The following SMARCA2 variants were observed in gnomAD, a reference collection of about 807,000 sequenced individuals.
SMARCA2 encodes the protein SWI/SNF-related matrix-associated actin-dependent regulator of chromatin subfamily A member 2.
In SMARCA2, 61 loss-of-function variants were observed where a neutral mutation model predicts 199.8. That is an observed-to-expected ratio of 0.31 (90% CI 0.25 to 0.38). The LOEUF (loss-of-function observed/expected upper bound fraction) is 0.38. SMARCA2 is among the 10% of genes least tolerant of loss of function. SMARCA2 has a pLI of 1.00. For missense variants in SMARCA2, 1,344 were observed against 2,012.2 expected, an observed-to-expected ratio of 0.67 and a Z score of 6.35; for synonymous variants, 935 against 732.0, an observed-to-expected ratio of 1.28 and a Z score of -4.48.
At chr9:2,139,188 C>G (rs1207437984) in intron 27 of SMARCA2, among the ~76,000 whole-genome samples, 1 of 152,212 alleles carries the variant, frequency 6.6e-6, no homozygotes, top group East Asian at 1.9e-4. Flanking sequence ...AGCCAGGCCA[C>G]TGAGACCGTG....
At chr9:2,125,457 C>T (rs1823645348) in intron 27 of SMARCA2, among the ~76,000 whole-genome samples, 1 of 150,458 alleles carries the variant, frequency 6.6e-6, no homozygotes, top group Non-Finnish European at 1.5e-5. Flanking sequence ...AGTATTATTA[C>T]AGCAGACGGG....
intron 23 of SMARCA2, among the ~76,000 whole-genome samples, chr9:2,106,714 A>G (rs1009324087): frequency 2.0e-5 from 3 of 152,192 alleles, no homozygotes; most frequent in African/African-American, 7.2e-5. Flanking sequence ...CTAAGCAGAA[A>G]TTTTCTGCAA....
intron 27 of SMARCA2, chr9:2,159,924 T>C (rs1252255403): frequency 1.9e-6 from 3 of 1,604,328 alleles, no homozygotes; most frequent in South Asian, 2.2e-5. Context: ...ATATCCTTTT[T>C]CGTTGCCGTC....
Position 2,088,610 on chromosome 9 carries a change from A to G in SMARCA2, c.2880A>G (p.Glu960=). The part of the protein sequence containing the change: ...LKKEVESQLP[E]KVEYVIKCDM... The stretch of plus-strand genomic sequence containing the variant: ...AAGAAGTTGAATCCCAGCTTCCCGA[A>G]AAAGTATGTTGCACAACCAAAAGTT... Residue 960 remains glutamate (E), a synonymous_variant, in exon 19 of 34, where the codon GAA becomes GAG. Transcript: ENST00000349721. The G allele has an allele frequency of 6.3e-7, 1 of 1,586,184 alleles. No individual in the cohort carries two copies.
rs559249659 is a variant in SMARCA2, at chr9:2,125,793, C to T, written c.3981+1856C>T. Reference sequence around the variant, plus strand: ...GCGTGAGCCACCGTGCCTGGCTGGGCGAAATTTTTAAAGCTAAGCTTTGAT... The same window carrying T: ...GCGTGAGCCACCGTGCCTGGCTGGGTGAAATTTTTAAAGCTAAGCTTTGAT... On this transcript the variant is annotated intron_variant, in intron 27 of 33. Coordinates refer to ENST00000349721, the MANE Select transcript of SMARCA2 (RefSeq NM_003070.5). 1.8e-4 allele frequency among the ~76,000 whole-genome samples: 27 copies of T among 152,172 alleles called. No individual in the cohort carries two copies. In the South Asian group the frequency reaches 3.5e-3, roughly 20 times the overall value.
chr9:2,188,905 C>T (rs1177334444), intron 32 of SMARCA2, among the ~76,000 whole-genome samples: 1 of 152,188 alleles, frequency 6.6e-6, no homozygotes, highest in East Asian at 1.9e-4. Flanking sequence ...CTGTTCCCAA[C>T]AGTGTTCTTT....
intron 28 of SMARCA2, among the ~76,000 whole-genome samples, chr9:2,167,606 C>G (rs553483834): frequency 6.6e-6 from 1 of 152,362 alleles, no homozygotes; most frequent in African/African-American, 2.4e-5. Flanking sequence ...ACTCTTCAGT[C>G]TCTGCTGTCT....
chr9:2,111,041 G>GTTTTTTTTTTTT (rs371262213), intron 24 of SMARCA2, among the ~76,000 whole-genome samples: 1 of 147,846 alleles, frequency 6.8e-6, no homozygotes, highest in African/African-American at 2.5e-5. Flanking sequence ...GTACTTTGAT[G>GTTTTTTTTTTTT]TTTTGTTTTT....
intron 30 of SMARCA2, 32 bp from the exon 31 acceptor site, chr9:2,182,109 T>TTTTTCTCCA (rs761372162): frequency 7.2e-7 from 1 of 1,395,074 alleles, no homozygotes; most frequent in African/African-American, 1.4e-5. Flanking sequence ...TCTCCCTCTT[T>TTTTTCTCCA]TTTTCTCCAT....
In SMARCA2 at chr9:2,044,355, G is replaced by A. The variant is rs570186209; in HGVS notation, c.791-2874G>A. 8 of 152,336 alleles carry A rather than the reference G, an allele frequency of 5.3e-5. No homozygotes were observed. The East Asian group carries it at 1.5e-3, about 29-fold the overall frequency. 9.4% of individuals were successfully genotyped at this position (152,336 alleles called of 1,614,324 possible). A position where few individuals can be genotyped will look rare whatever the true frequency, so the allele number is the denominator to read the frequency against. On this transcript the variant is annotated intron_variant, in intron 4 of 33. Transcript: ENST00000349721. ...GCACATGGCAGGCGGACTCATCTGA[G>A]TATCTGTGCTGAGGAGTTGTGTTAA...
At chr9:2,057,427 T>G (rs1380257071) in intron 7 of SMARCA2, among the ~76,000 whole-genome samples, 2 of 152,196 alleles carry the variant, frequency 1.3e-5, no homozygotes, top group Admixed American at 6.5e-5. Flanking sequence ...ATATAAATTT[T>G]GGGAGGACAC....
chr9:2,181,450 G>C, intron 29 of SMARCA2, 121 bp from the exon 30 acceptor site: 2 of 635,964 alleles, frequency 3.1e-6, no homozygotes, highest in East Asian at 2.9e-5. Flanking sequence ...GACTTAAAAA[G>C]CTCCATATCT....
chr9:2,105,534 A>G (rs1006564448), intron 23 of SMARCA2, among the ~76,000 whole-genome samples: 2 of 152,124 alleles, frequency 1.3e-5, no homozygotes, highest in South Asian at 2.1e-4. Context: ...GATTACAGGC[A>G]TGAAACTTGA....
Position 2,071,347 on chromosome 9 carries a change from A to G in SMARCA2, c.1746+876A>G, listed in dbSNP as rs140272392. On this transcript the variant is annotated intron_variant, in intron 10 of 33. Transcript: ENST00000349721. ...TATCACAAGGAAAGAAAGGATCAGG[A>G]TAAATATCTGATGTGTGAGAAACTC... Among the ~76,000 whole-genome samples the G allele has an allele frequency of 6.2e-3, 937 of 152,338 alleles. 13 individuals carry two copies. Among genetic ancestry groups the G allele is most frequent in the African/African-American group, 0.022 (902 of 41,574 alleles).
chr9:2,070,975 C>G (rs1453577054), intron 10 of SMARCA2, among the ~76,000 whole-genome samples: 2 of 152,168 alleles, frequency 1.3e-5, no homozygotes, highest in African/African-American at 4.8e-5. Flanking sequence ...AAATTCATTT[C>G]CTAGTAGTTC....
In SMARCA2 at chr9:2,096,783, T is replaced by C. The variant is rs761770124; in HGVS notation, c.2991+19T>C. The C allele has an allele frequency of 2.4e-5, 35 of 1,440,260 alleles. No individual in the cohort carries two copies. The highest frequency in any genetic ancestry group is 3.2e-5 in the Non-Finnish European group (33 of 1,021,146). The allele number at this position is 1,440,260 out of a possible 1,614,324, so 89.2% of individuals were successfully genotyped here. The stretch of plus-strand genomic sequence containing the variant: ...TAAGAAGGTACGTTGCGAAAGATGA[T>C]GCAACTCAAGGTGCTGTGGTATGTC... On this transcript the variant is annotated intron_variant, in intron 20 of 33. Transcript: ENST00000349721.
At chr9:2,099,879 C>T (rs1185812603) in intron 21 of SMARCA2, among the ~76,000 whole-genome samples, 5 of 152,178 alleles carry the variant, frequency 3.3e-5, no homozygotes, top group Non-Finnish European at 7.3e-5. Context: ...CCATTGACCC[C>T]TCTCTTTGGT....
At position 2,169,949 on chromosome 9, in the gene SMARCA2, G is replaced by T. The variant is rs1265672472; in HGVS notation, c.4200-470G>T. ...TTCAGACCCAAATTGGCTGATGCTT[G>T]GAATACCTTCTTTGTGCAGGCTACT... On this transcript the variant is annotated intron_variant, in intron 28 of 33. Transcript: ENST00000349721. The surrounding 1 kb of genome is among the most constrained non-coding windows in gnomAD (Gnocchi z 6.5). Among the ~76,000 whole-genome samples the T allele has an allele frequency of 6.6e-6, 1 of 152,158 alleles. No individual in the cohort carries two copies. Among genetic ancestry groups the T allele is most frequent in the African/African-American group, 2.4e-5 (1 of 41,434 alleles).
rs886177820 is a variant in SMARCA2, at chr9:2,033,228, G to A, written c.355+147G>A. 5 of 788,022 alleles carry A rather than the reference G, an allele frequency of 6.3e-6. No individual in the cohort carries two copies. The East Asian group carries it at 8.0e-5, about 13-fold the overall frequency. 48.8% of individuals were successfully genotyped at this position (788,022 alleles called of 1,614,324 possible). On this transcript the variant is annotated intron_variant, in intron 3 of 33. Transcript: ENST00000349721. ...CTTTTCCTTATGGAAATCTACCTCC[G>A]TCCTCACCAATACAACCTGATGATT...
Sources: allele counts gnomAD v4.1 joint callset (sites outside exome capture counted in the v4.1 genomes callset), GRCh38; gene constraint gnomAD v4.1.1; non-coding constraint Gnocchi (gnomAD v3.1); transcripts MANE v1.5; gene names NCBI Gene and HGNC (gene_info 2026-07-23, HGNC 2026-07-21).